The following C12orf42 variants were observed in gnomAD, a reference collection of about 807,000 sequenced individuals.
The protein encoded by C12orf42 is uncharacterized protein C12orf42.
A neutral mutation model predicts 21.6 loss-of-function variants in C12orf42; 25 were observed. The observed-to-expected ratio is 1.16, with a 90% CI of 0.84 to 1.62. C12orf42 has a LOEUF of 1.62. C12orf42 is among the 40% of genes most tolerant of loss of function. The probability of loss-of-function intolerance (pLI) is 0.00; values close to 1 mark genes in which losing one functional copy is unlikely to be tolerated. For missense variants in C12orf42, 483 were observed against 459.3 expected, an observed-to-expected ratio of 1.05 and a Z score of -0.47; for synonymous variants, 174 against 175.0, an observed-to-expected ratio of 0.99 and a Z score of 0.05.
At chr12:103,304,115 A>G (rs2038029213) in intron 5 of C12orf42, among the ~76,000 whole-genome samples, 2 of 152,200 alleles carry the variant, frequency 1.3e-5, no homozygotes, top group Non-Finnish European at 2.9e-5. Flanking sequence ...AATGAAGTAA[A>G]GCTCTGGGGT....
chr12:103,180,443 G>C, the C12orf42 span, among the ~76,000 whole-genome samples: 15 of 152,082 alleles, frequency 9.9e-5, no homozygotes, highest in South Asian at 6.2e-4. Context: ...CATGGAGTTT[G>C]GAGCAATATT....
intron 3 of C12orf42, among the ~76,000 whole-genome samples, chr12:103,386,128 G>A (rs2046591266): frequency 6.6e-6 from 1 of 152,166 alleles, no homozygotes; most frequent in African/African-American, 2.4e-5. Context: ...CTGAGTTGCA[G>A]AAAGATAAGA....
chr12:103,217,378 A>G, the C12orf42 span, among the ~76,000 whole-genome samples: 41 of 151,970 alleles, frequency 2.7e-4, no homozygotes, highest in Non-Finnish European at 3.8e-4. Flanking sequence ...ACAAACAAAA[A>G]ATTAGCTGAG....
intron 4 of C12orf42, among the ~76,000 whole-genome samples, chr12:103,359,130 C>T (rs2043849486): frequency 6.6e-6 from 1 of 152,092 alleles, no homozygotes; most frequent in Non-Finnish European, 1.5e-5. Context: ...CCCTGACCTC[C>T]ATATCTTAAA....
chr12:103,192,669 T>TA, the C12orf42 span, among the ~76,000 whole-genome samples: 1 of 152,078 alleles, frequency 6.6e-6, no homozygotes, highest in African/African-American at 2.4e-5. Context: ...TACATAATGA[T>TA]AAAAAGGTCA....
chr12:103,235,198 AAAC>A (rs2136150777), downstream of C12orf42, among the ~76,000 whole-genome samples: 2 of 152,278 alleles, frequency 1.3e-5, no homozygotes, highest in South Asian at 4.1e-4. Context: ...AGTTGTGCTA[AAAC>A]AACTTGAATC....
At chr12:103,123,429 C>T in the C12orf42 span, among the ~76,000 whole-genome samples, 2 of 151,910 alleles carry the variant, frequency 1.3e-5, no homozygotes, top group African/African-American at 2.4e-5. Flanking sequence ...CACTTTGGGT[C>T]AGAAAAGGCA....
At chr12:103,493,792 A>G (rs964960788) in intron 1 of C12orf42, among the ~76,000 whole-genome samples, 4 of 152,066 alleles carry the variant, frequency 2.6e-5, no homozygotes, top group South Asian at 2.1e-4. Context: ...GGAAATACGC[A>G]TGAAAGTATT....
At chr12:103,087,652 G>A in the C12orf42 span, among the ~76,000 whole-genome samples, 43 of 152,164 alleles carry the variant, frequency 2.8e-4, no homozygotes, top group African/African-American at 9.6e-4. Context: ...AGTGCTATAC[G>A]AAATTAAAAT....
At chr12:103,408,885 G>C (rs1408175082) in intron 2 of C12orf42, among the ~76,000 whole-genome samples, 3 of 152,166 alleles carry the variant, frequency 2.0e-5, no homozygotes, top group Non-Finnish European at 4.4e-5. Context: ...AGATGAACAA[G>C]TTATATTTGA....
At chr12:103,063,611 C>G in the C12orf42 span, among the ~76,000 whole-genome samples, 1 of 152,136 alleles carries the variant, frequency 6.6e-6, no homozygotes, top group Non-Finnish European at 1.5e-5. Flanking sequence ...CCTGAGGCAA[C>G]AGTGATGGCC....
At chr12:103,189,219 G>A in the C12orf42 span, among the ~76,000 whole-genome samples, 1 of 152,194 alleles carries the variant, frequency 6.6e-6, no homozygotes, top group Non-Finnish European at 1.5e-5. Flanking sequence ...TTAGCAGTCA[G>A]TACAAAGACA....
At position 103,307,300 on chromosome 12, in the gene C12orf42, T is replaced by C. The variant is rs542727815; in HGVS notation, c.260-955A>G. 7.2e-5 allele frequency among the ~76,000 whole-genome samples: 11 copies of C among 152,112 alleles called. No homozygotes were observed. The South Asian group carries it at 2.1e-3, about 29-fold the overall frequency. On this transcript the variant is annotated intron_variant, in intron 4 of 5. Transcript: ENST00000548883. Reference sequence around the variant, plus strand: ...CTCCTTTTGATGCACTGTCAGAAGGTAAAAAACAATCTCAATTGCTCAAAA... The same window carrying C: ...CTCCTTTTGATGCACTGTCAGAAGGCAAAAAACAATCTCAATTGCTCAAAA...
chr12:103,390,931 CTT>C (rs1193686873), intron 3 of C12orf42, among the ~76,000 whole-genome samples: 2 of 152,176 alleles, frequency 1.3e-5, no homozygotes, highest in Non-Finnish European at 2.9e-5. Context: ...ATGCTAATCT[CTT>C]TTAAAAATGT....
downstream of C12orf42, among the ~76,000 whole-genome samples, chr12:103,232,887 G>C (rs184808723): frequency 1.3e-5 from 2 of 151,890 alleles, no homozygotes; most frequent in African/African-American, 2.4e-5. Context: ...ATAATATTTC[G>C]AAGTTTTGAG....
At chr12:103,163,170 T>C in the C12orf42 span, among the ~76,000 whole-genome samples, 1 of 152,306 alleles carries the variant, frequency 6.6e-6, no homozygotes, top group Non-Finnish European at 1.5e-5. Flanking sequence ...TTGAATTAAA[T>C]ACAAAATCAC....
chr12:103,187,536 T>C, the C12orf42 span, among the ~76,000 whole-genome samples: 2 of 152,310 alleles, frequency 1.3e-5, no homozygotes, highest in African/African-American at 4.8e-5. Flanking sequence ...TAAAGATCTC[T>C]TTGCCCCTTT....
chr12:103,284,140 G>A (rs576926635), intron 4 of C12orf42, among the ~76,000 whole-genome samples: 8 of 152,124 alleles, frequency 5.3e-5, no homozygotes, highest in African/African-American at 1.9e-4. Context: ...GGCTGTCTCG[G>A]AGAACATTAC....
intron 2 of C12orf42, among the ~76,000 whole-genome samples, chr12:103,413,925 G>A (rs1378536396): frequency 3.9e-5 from 6 of 151,984 alleles, no homozygotes; most frequent in Non-Finnish European, 5.9e-5. Context: ...CATTTAGGCT[G>A]GTTTCATATT....
Sources: gnomAD v4.1 joint callset for allele counts (sites outside exome capture counted in the v4.1 genomes callset) on GRCh38, gnomAD v4.1.1 for gene constraint, MANE v1.5 for transcripts, NCBI Gene and HGNC (gene_info 2026-07-23, HGNC 2026-07-21) for gene names.